The following CACNG3 variants were observed in gnomAD, a reference collection of about 807,000 sequenced individuals.
The protein encoded by CACNG3 is voltage-dependent calcium channel gamma-3 subunit.
CACNG3 carries 3 observed loss-of-function variants against 28.5 expected under a neutral mutation model. The observed-to-expected ratio is 0.11, with a 90% CI of 0.05 to 0.27. The LOEUF (loss-of-function observed/expected upper bound fraction) is 0.27, where lower values mean the gene tolerates loss of function less well. Ranked by LOEUF, CACNG3 falls within the 10% of genes least tolerant of loss-of-function variation. The probability of loss-of-function intolerance (pLI) is 1.00; values close to 1 mark genes in which losing one functional copy is unlikely to be tolerated. For missense variants in CACNG3, 236 were observed against 414.4 expected, an observed-to-expected ratio of 0.57 and a Z score of 3.74; for synonymous variants, 174 against 162.2, an observed-to-expected ratio of 1.07 and a Z score of -0.55.
At chr16:24,346,174 GAT>G (rs1181966895) in intron 1 of CACNG3, among the ~76,000 whole-genome samples, 1 of 152,102 alleles carries the variant, frequency 6.6e-6, no homozygotes, top group African/African-American at 2.4e-5. Flanking sequence ...TTCTGAAGTG[GAT>G]CCCAACATCA....
intron 1 of CACNG3, among the ~76,000 whole-genome samples, chr16:24,339,201 T>G (rs1218237740): frequency 6.6e-6 from 1 of 152,240 alleles, no homozygotes; most frequent in Non-Finnish European, 1.5e-5. Flanking sequence ...TTTCTTGTTT[T>G]CTTTGTATTA....
At chr16:24,300,310 C>T (rs931434424) in intron 1 of CACNG3, among the ~76,000 whole-genome samples, 5 of 152,044 alleles carry the variant, frequency 3.3e-5, no homozygotes, top group African/African-American at 1.2e-4. Flanking sequence ...ACACAGGGGC[C>T]CCGATAAGGT....
chr16:24,281,674 A>T (rs1447088087), intron 1 of CACNG3, among the ~76,000 whole-genome samples: 1 of 152,162 alleles, frequency 6.6e-6, no homozygotes, highest in Admixed American at 6.5e-5. Flanking sequence ...GAGTCACGTG[A>T]TTCAATCTTG....
intron 1 of CACNG3, among the ~76,000 whole-genome samples, chr16:24,274,200 A>G (rs79924825): frequency 7.5e-6 from 1 of 133,460 alleles, no homozygotes; most frequent in African/African-American, 2.7e-5. Flanking sequence ...AAAAAAAAAA[A>G]CAAAAAAAAA....
chr16:24,358,370 T>C (rs1900063155), intron 3 of CACNG3, among the ~76,000 whole-genome samples: 1 of 152,190 alleles, frequency 6.6e-6, no homozygotes, highest in African/African-American at 2.4e-5. Context: ...ATCTGAAAAA[T>C]GAGTATCATA....
intron 2 of CACNG3, among the ~76,000 whole-genome samples, chr16:24,347,075 G>C (rs1899879611): frequency 6.6e-6 from 1 of 152,200 alleles, no homozygotes; most frequent in African/African-American, 2.4e-5. Flanking sequence ...CAGCACTCTG[G>C]GAGGCAGAGG....
At chr16:24,263,294 C>T (rs1898559185) in intron 1 of CACNG3, among the ~76,000 whole-genome samples, 1 of 152,074 alleles carries the variant, frequency 6.6e-6, no homozygotes, top group Admixed American at 6.5e-5. Context: ...ATAGAACATC[C>T]TCCTTTGAAC....
At chr16:24,354,759 C>A in intron 2 of CACNG3, 74 bp from the exon 3 acceptor site, 1 of 1,494,388 alleles carries the variant, frequency 6.7e-7, no homozygotes, top group Non-Finnish European at 9.2e-7. Flanking sequence ...CTCTCAGGCA[C>A]TCCTGCGCTT....
chr16:24,345,589 A>G (rs1899852442), intron 1 of CACNG3, among the ~76,000 whole-genome samples: 1 of 152,138 alleles, frequency 6.6e-6, no homozygotes, highest in Admixed American at 6.6e-5. Flanking sequence ...AATCCCAGTT[A>G]CTCGGGAGGC....
At chr16:24,270,364 T>G in intron 1 of CACNG3, among the ~76,000 whole-genome samples, 1 of 152,322 alleles carries the variant, frequency 6.6e-6, no homozygotes, top group African/African-American at 2.4e-5. Context: ...CCCTAAAATA[T>G]GTATTACCAA....
intron 1 of CACNG3, among the ~76,000 whole-genome samples, chr16:24,332,920 T>C (rs1393296778): frequency 6.6e-6 from 1 of 152,110 alleles, no homozygotes; most frequent in African/African-American, 2.4e-5. Context: ...AAACGTGATG[T>C]GTTAACCACG....
At chr16:24,265,009 A>G (rs1250101064) in intron 1 of CACNG3, among the ~76,000 whole-genome samples, 1 of 152,162 alleles carries the variant, frequency 6.6e-6, no homozygotes, top group African/African-American at 2.4e-5. Flanking sequence ...GAGGCCAAGG[A>G]AGGTGGATCA....
chr16:24,292,250 TG>T (rs1214865203), intron 1 of CACNG3, among the ~76,000 whole-genome samples: 5 of 152,176 alleles, frequency 3.3e-5, no homozygotes, highest in Admixed American at 1.3e-4. Flanking sequence ...GAGTCCTGAA[TG>T]GCGAAACAGA....
chr16:24,299,567 C>T (rs1043274601), intron 1 of CACNG3, among the ~76,000 whole-genome samples: 58 of 152,288 alleles, frequency 3.8e-4, no homozygotes, highest in African/African-American at 1.4e-3. Flanking sequence ...TAATGCTGTT[C>T]CTGTCAATGT....
chr16:24,274,616 A>G (rs1898730951), intron 1 of CACNG3, among the ~76,000 whole-genome samples: 19 of 152,134 alleles, frequency 1.2e-4, no homozygotes, highest in Admixed American at 1.2e-3. Context: ...CTACCATGGA[A>G]CAAGATTTAT....
chr16:24,300,220 C>T (rs1469856349), intron 1 of CACNG3, among the ~76,000 whole-genome samples: 1 of 152,168 alleles, frequency 6.6e-6, no homozygotes, highest in Non-Finnish European at 1.5e-5. Flanking sequence ...GCTTTCACAT[C>T]CCAGATAAAG....
intron 1 of CACNG3, among the ~76,000 whole-genome samples, chr16:24,342,617 G>A (rs1899807092): frequency 1.3e-5 from 2 of 152,266 alleles, no homozygotes; most frequent in South Asian, 4.1e-4. Context: ...CTCTGTTATA[G>A]TGGCATCAAC....
At chr16:24,343,614 G>A (rs1454465392) in intron 1 of CACNG3, among the ~76,000 whole-genome samples, 1 of 152,150 alleles carries the variant, frequency 6.6e-6, no homozygotes, top group Non-Finnish European at 1.5e-5. Context: ...ATCATGAAGC[G>A]ACCAGGCAAA....
intron 1 of CACNG3, among the ~76,000 whole-genome samples, chr16:24,284,637 T>G (rs564956029): frequency 1.4e-4 from 22 of 152,338 alleles, no homozygotes; most frequent in South Asian, 1.0e-3. Context: ...GGTTTCTTAA[T>G]GTATTTTTTA....
Sources: gnomAD v4.1 joint callset for allele counts (sites outside exome capture counted in the v4.1 genomes callset) on GRCh38, gnomAD v4.1.1 for gene constraint, MANE v1.5 for transcripts, NCBI Gene and HGNC (gene_info 2026-07-23, HGNC 2026-07-21) for gene names.